The following FRMD5 variants were observed in gnomAD, a reference collection of about 807,000 sequenced individuals.
FRMD5 encodes FERM domain containing 5, also known as FERM domain-containing protein 5.
Under a neutral mutation model 69.0 loss-of-function variants are expected in FRMD5, and 20 were observed. The ratio of observed to expected loss-of-function variants is 0.29; its 90% CI spans 0.20 to 0.42. FRMD5 has a LOEUF of 0.42. Ranked by LOEUF, FRMD5 falls within the 10% of genes least tolerant of loss-of-function variation. FRMD5 has a pLI of 1.00. For missense variants in FRMD5, 595 were observed against 708.6 expected, an observed-to-expected ratio of 0.84 and a Z score of 1.82; for synonymous variants, 271 against 260.1, an observed-to-expected ratio of 1.04 and a Z score of -0.40.
In FRMD5 at chr15:43,873,109, A is replaced by G. The variant is rs533354563; in HGVS notation, c.*776T>C. The G allele has an allele frequency of 1.4e-6, 2 of 1,421,928 alleles. No homozygotes were observed. Among genetic ancestry groups the G allele is most frequent in the Non-Finnish European group, 9.6e-7 (1 of 1,040,262 alleles). 88.1% of individuals were successfully genotyped at this position (1,421,928 alleles called of 1,614,324 possible). ...GGAAAAAAAAAATCACGTTAAGTCT[A>G]GTTTCATTATACAAAACTATGGTGA... On this transcript the variant is annotated 3_prime_UTR_variant, in exon 14 of 14. Coordinates refer to ENST00000417257, the MANE Select transcript of FRMD5 (RefSeq NM_032892.5).
chr15:44,006,261 C>T (rs1381296380), intron 1 of FRMD5, among the ~76,000 whole-genome samples: 1 of 152,158 alleles, frequency 6.6e-6, no homozygotes, highest in Non-Finnish European at 1.5e-5. Context: ...CATCTGTTTA[C>T]AGCATGGTTT....
At position 44,169,490 on chromosome 15, in the gene FRMD5, G is replaced by A. The variant is rs58905832; in HGVS notation, c.102+25463C>T. The stretch of plus-strand genomic sequence containing the variant: ...GTGAAGCTCCTAAGAAACCAGAGTT[G>A]AAAGGAGAGAGAACAGGCAGAAAGC... On this transcript the variant is annotated intron_variant, in intron 1 of 13. Transcript: ENST00000417257. Among the ~76,000 whole-genome samples, 180 of 152,312 alleles carry A rather than the reference G, an allele frequency of 1.2e-3. 1 individual carries two copies. Among genetic ancestry groups the A allele is most frequent in the African/African-American group, 4.3e-3 (177 of 41,574 alleles).
At chr15:44,013,421 A>G (rs1268888533) in intron 1 of FRMD5, among the ~76,000 whole-genome samples, 1 of 152,206 alleles carries the variant, frequency 6.6e-6, no homozygotes, top group Non-Finnish European at 1.5e-5. Context: ...CACTGATTCA[A>G]TGATATTAAT....
chr15:44,092,564 C>T (rs374970618), intron 1 of FRMD5, among the ~76,000 whole-genome samples: 67 of 152,256 alleles, frequency 4.4e-4, no homozygotes, highest in African/African-American at 1.5e-3. Context: ...CAACCCACTG[C>T]CAATGGAATT....
chr15:44,094,057 A>C (rs1433584652), intron 1 of FRMD5, among the ~76,000 whole-genome samples: 1 of 152,156 alleles, frequency 6.6e-6, no homozygotes, highest in Non-Finnish European at 1.5e-5. Flanking sequence ...GGACTCTGGC[A>C]TATGTGCTTA....
intron 1 of FRMD5, among the ~76,000 whole-genome samples, chr15:44,139,594 A>G (rs1450231346): frequency 6.6e-6 from 1 of 151,646 alleles, no homozygotes; most frequent in Non-Finnish European, 1.5e-5. Flanking sequence ...AATTTGGAAT[A>G]AAAAAAGACA....
At chr15:44,189,828 G>C (rs548198091) in intron 1 of FRMD5, among the ~76,000 whole-genome samples, 27 of 152,244 alleles carry the variant, frequency 1.8e-4, no homozygotes, top group African/African-American at 6.3e-4. Flanking sequence ...CCAGGGTCTA[G>C]GGTCTTAAAA....
At chr15:44,072,941 G>A (rs1180528358) in intron 1 of FRMD5, among the ~76,000 whole-genome samples, 1 of 152,106 alleles carries the variant, frequency 6.6e-6, no homozygotes, top group Admixed American at 6.5e-5. Context: ...ACCAACCTGG[G>A]CAACATAGTA....
intron 1 of FRMD5, among the ~76,000 whole-genome samples, chr15:43,929,093 G>A (rs868396202): frequency 2.0e-5 from 3 of 152,172 alleles, no homozygotes; most frequent in Non-Finnish European, 2.9e-5. Flanking sequence ...TGCACAGAAT[G>A]ATTCATGAGC....
rs181422803 is a variant in FRMD5, at chr15:43,989,356, G to A, written c.103-65047C>T. On this transcript the variant is annotated intron_variant, in intron 1 of 13. Transcript: ENST00000417257. ...ACACTTCATGATGGAGTTGAAGGTA[G>A]TTTCATGGATGCCGCGGGATTCCAT... 54 of 785,994 alleles carry A rather than the reference G, an allele frequency of 6.9e-5. No individual in the cohort carries two copies. The African/African-American group carries it at 7.1e-4, about 10-fold the overall frequency. The allele number at this position is 785,994 out of a possible 1,614,324, so 48.7% of individuals were successfully genotyped here.
intron 1 of FRMD5, among the ~76,000 whole-genome samples, chr15:43,974,380 G>T (rs2090432960): frequency 1.3e-5 from 2 of 152,144 alleles, no homozygotes; most frequent in East Asian, 3.8e-4. Flanking sequence ...CTATCCAGTT[G>T]TCCAGAAATT....
intron 1 of FRMD5, among the ~76,000 whole-genome samples, chr15:44,062,565 C>T (rs1893133009): frequency 6.6e-6 from 1 of 151,846 alleles, no homozygotes; most frequent in Non-Finnish European, 1.5e-5. Context: ...GTGGTGGGTG[C>T]CTATAATCCC....
chr15:43,939,181 T>C (rs2089818792), intron 1 of FRMD5, among the ~76,000 whole-genome samples: 1 of 152,090 alleles, frequency 6.6e-6, no homozygotes, highest in Non-Finnish European at 1.5e-5. Context: ...CCAATAGATT[T>C]ATTTTTTGAT....
chr15:44,156,347 T>G (rs1216897047), intron 1 of FRMD5, among the ~76,000 whole-genome samples: 1 of 152,086 alleles, frequency 6.6e-6, no homozygotes, highest in Admixed American at 6.6e-5. Context: ...TTTCACCATA[T>G]TGGCCAGGCT....
intron 1 of FRMD5, among the ~76,000 whole-genome samples, chr15:44,033,047 T>C (rs890768469): frequency 7.2e-5 from 11 of 152,216 alleles, no homozygotes; most frequent in Admixed American, 2.6e-4. Flanking sequence ...AACAAGGTCA[T>C]GTCTTTTGCA....
intron 1 of FRMD5, among the ~76,000 whole-genome samples, chr15:44,027,904 A>C (rs754709754): frequency 6.6e-6 from 1 of 151,878 alleles, no homozygotes; most frequent in African/African-American, 2.4e-5. Flanking sequence ...TCGGCCTCCC[A>C]AAGTGCTGGG....
chr15:43,977,151 T>G, intron 1 of FRMD5, among the ~76,000 whole-genome samples: 1 of 151,796 alleles, frequency 6.6e-6, no homozygotes, highest in South Asian at 2.1e-4. Context: ...AAAGTTTCTA[T>G]AGGGGAGGGG....
At chr15:44,058,414 T>C (rs549683450) in intron 1 of FRMD5, among the ~76,000 whole-genome samples, 21 of 152,282 alleles carry the variant, frequency 1.4e-4, no homozygotes, top group Non-Finnish European at 2.9e-4. Context: ...TGTTCTAAAA[T>C]TATATTGTGG....
chr15:44,064,005 T>A, intron 1 of FRMD5: 1 of 225,782 alleles, frequency 4.4e-6, no homozygotes, highest in Non-Finnish European at 8.9e-6. Context: ...AGGTCATCCA[T>A]GACAATTCTG....
Sources: allele counts gnomAD v4.1 joint callset (sites outside exome capture counted in the v4.1 genomes callset), GRCh38; gene constraint gnomAD v4.1.1; transcripts MANE v1.5; gene names NCBI Gene and HGNC (gene_info 2026-07-23, HGNC 2026-07-21).